DICER1: variants seen among roughly 807,000 people sequenced by gnomAD.
The protein encoded by DICER1 is dicer 1, ribonuclease III, also known as endoribonuclease Dicer.
In DICER1, 43 loss-of-function variants were observed where a neutral mutation model predicts 194.1. The ratio of observed to expected loss-of-function variants is 0.22; its 90% CI spans 0.17 to 0.29. The LOEUF is 0.29. DICER1 is among the 10% of genes least tolerant of loss of function. DICER1 has a pLI of 1.00. For synonymous variants in DICER1, 832 were observed against 820.5 expected (o/e 1.01, Z -0.24); for missense variants, 1,608 against 2,317.0 (o/e 0.69, Z 6.28).
At chr14:95,140,485 G>T (rs1049691878) in intron 1 of DICER1, among the ~76,000 whole-genome samples, 2 of 152,214 alleles carry the variant, frequency 1.3e-5, no homozygotes, top group South Asian at 4.1e-4. Context: ...TACCATGTAG[G>T]TTTATGTTAA....
chr14:95,111,469 AAGAG>A lies in DICER1; in HGVS notation c.2117-17_2117-14del, dbSNP rs1257726712. Reference sequence around the variant, plus strand: ...TCATCCAGTTCGCCTAACAAATTTAAAGAGAGAATTAACACAATCCAGATTTTGC... The same window carrying A: ...TCATCCAGTTCGCCTAACAAATTTAAAGAATTAACACAATCCAGATTTTGC... On this transcript the variant is annotated splice_polypyrimidine_tract_variant and intron_variant, in intron 13 of 26. Coordinates refer to ENST00000343455, the MANE Select transcript of DICER1 (RefSeq NM_177438.3). The A allele has an allele frequency of 5.0e-6, 8 of 1,613,772 alleles. No homozygotes were observed. Among genetic ancestry groups the A allele is most frequent in the Non-Finnish European group, 6.8e-6 (8 of 1,179,804 alleles).
intron 11 of DICER1, 85 bp downstream of exon 11, chr14:95,115,582 A>C (rs888757672): frequency 4.7e-6 from 7 of 1,480,302 alleles, no homozygotes; most frequent in Non-Finnish European, 5.7e-6. Context: ...GTAACCGCAA[A>C]ATGTCAACAA....
At chr14:95,155,158 T>C (rs187306467) in intron 1 of DICER1, among the ~76,000 whole-genome samples, 2 of 152,178 alleles carry the variant, frequency 1.3e-5, no homozygotes, top group East Asian at 3.9e-4. Flanking sequence ...CAATATCGAG[T>C]TGATCGCAGG....
intron 11 of DICER1, among the ~76,000 whole-genome samples, 176 bp from the exon 12 acceptor site, chr14:95,113,400 G>C (rs113555187): frequency 1.1e-3 from 170 of 152,368 alleles, no homozygotes; most frequent in African/African-American, 3.9e-3. Context: ...TTGTCTAACA[G>C]AACTTCTGCA....
In DICER1 at chr14:95,110,862, A is replaced by G. The variant is rs535035363; in HGVS notation, c.2256+455T>C. Among the ~76,000 whole-genome samples the G allele has an allele frequency of 7.2e-5, 11 of 152,256 alleles. No individual in the cohort carries two copies. The South Asian group carries it at 2.1e-3, about 29-fold the overall frequency. Reference sequence around the variant, plus strand: ...CAATGGCCCACACTGGGAATCTGACATAACTCCTGACAGATATTTGTGCTT... The same window carrying G: ...CAATGGCCCACACTGGGAATCTGACGTAACTCCTGACAGATATTTGTGCTT... On this transcript the variant is annotated intron_variant, in intron 14 of 26. Coordinates refer to ENST00000343455, the MANE Select transcript of DICER1 (RefSeq NM_177438.3).
At chr14:95,131,735 T>C (rs554981603) in intron 3 of DICER1, 96 bp from the exon 4 acceptor site, 6 of 1,128,852 alleles carry the variant, frequency 5.3e-6, no homozygotes, top group Admixed American at 1.7e-5. Context: ...AAATCCTTAT[T>C]ATTATATTAG....
chr14:95,094,849 A>G (rs1340389079), intron 23 of DICER1, among the ~76,000 whole-genome samples: 1 of 152,222 alleles, frequency 6.6e-6, no homozygotes, highest in South Asian at 2.1e-4. Flanking sequence ...AAAATAATAT[A>G]TCCAGCTGAG....
intron 13 of DICER1, 71 bp from the exon 14 acceptor site, chr14:95,111,527 G>T: frequency 6.6e-7 from 1 of 1,518,476 alleles, no homozygotes; most frequent in Non-Finnish European, 9.1e-7. Flanking sequence ...ATTTAGAACA[G>T]AACTATGTTA....
intron 14 of DICER1, 86 bp from the exon 15 acceptor site, chr14:95,108,589 G>A (rs1288633363): frequency 8.8e-6 from 11 of 1,255,252 alleles, no homozygotes; most frequent in Non-Finnish European, 1.2e-5. Context: ...ATTAATTCTG[G>A]CTTTACTAAA....
intron 2 of DICER1, 139 bp downstream of exon 2, chr14:95,133,176 A>G: frequency 8.4e-6 from 7 of 833,120 alleles, no homozygotes; most frequent in Non-Finnish European, 1.4e-5. Context: ...ATTAAGAATA[A>G]AAGTATTTTA....
chr14:95,132,544 C>T lies in DICER1; in HGVS notation c.278G>A (p.Gly93Glu), dbSNP rs776219930. 1.8e-5 allele frequency: 29 copies of T among 1,613,830 alleles called. No homozygotes were observed. Among genetic ancestry groups the T allele is most frequent in the Middle Eastern group, 1.6e-4 (1 of 6,080 alleles). The part of the protein sequence containing the change: ...YQIRGDFSRN[G>E]KRTVFLVNSA... ...GTTGACCAAGAACACCGTCCTTTTT[C>T]CATTTCTGCTGAAGTCTCCCCTGAT... The change falls in exon 3 of 27, where the codon GGA becomes GAA. Residue 93 changes from glycine to glutamate, a missense_variant. Transcript: ENST00000343455.
Position 95,131,605 on chromosome 14 carries a change from T to C in DICER1, c.342A>G (p.Arg114=), listed in dbSNP as rs373926076. The C allele has an allele frequency of 6.2e-7, 1 of 1,613,660 alleles. No homozygotes were observed. Among genetic ancestry groups the C allele is most frequent in the African/African-American group, 1.3e-5 (1 of 74,930 alleles). The change falls in exon 4 of 27, where the codon AGA becomes AGG. Residue 114 remains arginine, a synonymous_variant. Coordinates refer to ENST00000343455, the MANE Select transcript of DICER1 (RefSeq NM_177438.3). ...NQVAQQVSAV[R]THSDLKVGEY... is the part of the protein sequence containing the mutation. ...CCCCAACCTTGAGATCTGAATGAGT[T>C]CTGACAGCTGACACTTGTTGAGCAA...
In DICER1 at chr14:95,086,737, C is replaced by T. The variant is rs1262818881; in HGVS notation, c.*3761G>A. 4.3e-6 allele frequency: 1 copy of T among 232,788 alleles called. No individual in the cohort carries two copies. The highest frequency in any genetic ancestry group is 8.5e-6 in the Non-Finnish European group (1 of 117,766). 14.4% of individuals were successfully genotyped at this position (232,788 alleles called of 1,614,324 possible). On this transcript the variant is annotated 3_prime_UTR_variant, in exon 27 of 27. Transcript: ENST00000343455. ...TGGCGTCTCCAACAACTTTAAAAAT[C>T]ATTTTAATAGTCTTGGTCTTAAACA...
In DICER1 at chr14:95,157,007, G is replaced by C. The variant is rs113444097; in HGVS notation, c.-46+223C>G. Among the ~76,000 whole-genome samples the C allele has an allele frequency of 5.7e-3, 863 of 152,164 alleles. 2 individuals are homozygous for C. The highest frequency in any genetic ancestry group is 0.024 in the Middle Eastern group (7 of 292). ...CCTCGCGGGGAGGCGCCGGGGTCCG[G>C]GCCCAGGAGCAGAGCCGAGGCGGGC... On this transcript the variant is annotated intron_variant, in intron 1 of 26. Transcript: ENST00000343455.
chr14:95,138,802 C>CT (rs1163118269), intron 1 of DICER1, among the ~76,000 whole-genome samples: 2 of 117,838 alleles, frequency 1.7e-5, no homozygotes, highest in Non-Finnish European at 3.3e-5. Context: ...GAATATCACA[C>CT]TCTGGGGACT....
chr14:95,117,614 T>A lies in DICER1; in HGVS notation c.1509+8A>T, dbSNP rs878855244. On this transcript the variant is annotated splice_region_variant and intron_variant, in intron 9 of 26. Coordinates refer to ENST00000343455, the MANE Select transcript of DICER1 (RefSeq NM_177438.3). ...CTGTTATTGTACACTTATTTTGATTTAAGTTACCTCTTCCTGTTTTCTGAA... is the reference window on the plus strand; with the variant it reads ...CTGTTATTGTACACTTATTTTGATTAAAGTTACCTCTTCCTGTTTTCTGAA... 3 of 1,613,998 alleles carry A rather than the reference T, an allele frequency of 1.9e-6. 1 individual carries two copies. The Middle Eastern group carries it at 5.0e-4, about 266-fold the overall frequency.
intron 21 of DICER1, 146 bp downstream of exon 21, chr14:95,103,199 TG>T: frequency 1.1e-6 from 1 of 883,038 alleles, no homozygotes; most frequent in Non-Finnish European, 1.8e-6. Flanking sequence ...TCGCTGGCCC[TG>T]GTAGAACAAG....
chr14:95,153,762 T>C (rs1420434840), intron 1 of DICER1, among the ~76,000 whole-genome samples: 3 of 152,318 alleles, frequency 2.0e-5, no homozygotes, highest in Non-Finnish European at 4.4e-5. Flanking sequence ...TTTCTCAAAA[T>C]AGACATCATA....
upstream of DICER1, chr14:95,157,557 C>G (rs1275138910): frequency 1.3e-5 from 2 of 152,598 alleles, no homozygotes; most frequent in Non-Finnish European, 2.9e-5. Context: ...TCCGCGCCCC[C>G]ACGCTCCGCT....
Sources: gnomAD v4.1 joint callset for allele counts (sites outside exome capture counted in the v4.1 genomes callset) on GRCh38, gnomAD v4.1.1 for gene constraint, MANE v1.5 for transcripts, NCBI Gene and HGNC (gene_info 2026-07-23, HGNC 2026-07-21) for gene names.